Variants in STK25 observed in about 807,000 individuals in gnomAD.
STK25 encodes serine/threonine kinase 25, also known as serine/threonine-protein kinase 25.
In STK25, 29 loss-of-function variants were observed where a neutral mutation model predicts 53.8. The observed-to-expected ratio is 0.54, with a 90% CI of 0.40 to 0.74. The LOEUF (loss-of-function observed/expected upper bound fraction) is 0.74, where lower values mean the gene tolerates loss of function less well. STK25 is among the 30% of genes least tolerant of loss of function. The probability of loss-of-function intolerance (pLI) is 0.00; values close to 1 mark genes in which losing one functional copy is unlikely to be tolerated. For synonymous variants in STK25, 247 were observed against 238.3 expected (o/e 1.04, Z -0.33); for missense variants, 420 against 568.0 (o/e 0.74, Z 2.65).
At chr2:241,508,377 G>T in intron 1 of STK25, 66 bp downstream of exon 1, 1 of 513,184 alleles carries the variant, frequency 1.9e-6, no homozygotes, top group Non-Finnish European at 2.7e-6. Context: ...ACCGAGCCCC[G>T]CCCCGGGCCC....
At position 241,508,013 on chromosome 2, in the gene STK25, G is replaced by A. The variant is rs761455789; in HGVS notation, c.23C>T (p.Ala8Val). Residue 8 changes from alanine to valine, a missense_variant, in exon 2 of 12, where the codon GCC becomes GTC. Physicochemically the swap from Ala to Val is moderately conservative, Grantham distance 64 (BLOSUM62 0). Transcript: ENST00000316586. Reference protein sequence around the residue: MAHLRGFANQHSRVDPEE... With the variant: MAHLRGFVNQHSRVDPEE... ...GACCTGCACCCTTCTCACCTGGTTGGCAAATCCCCGGAGGTGAGCCATGGC... is the reference window on the plus strand; with the variant it reads ...GACCTGCACCCTTCTCACCTGGTTGACAAATCCCCGGAGGTGAGCCATGGC... 9.4e-6 allele frequency: 15 copies of A among 1,603,140 alleles called. No homozygotes were observed. Among genetic ancestry groups the A allele is most frequent in the Non-Finnish European group, 1.2e-5 (14 of 1,176,042 alleles).
In STK25 at chr2:241,508,151, G is replaced by C. The variant is rs944285037; in HGVS notation, c.-100-16C>G. On this transcript the variant is annotated splice_polypyrimidine_tract_variant and intron_variant, in intron 1 of 11. Transcript: ENST00000316586. ...CGTCAGTCCACTGCGAGGGACACCA[G>C]GGGCGCTCGGTGCCCAGTTCAGTCA... 2.7e-6 allele frequency: 4 copies of C among 1,472,166 alleles called. No individual in the cohort carries two copies. Among genetic ancestry groups the C allele is most frequent in the Middle Eastern group, 2.4e-4 (1 of 4,098 alleles). 91.2% of individuals were successfully genotyped at this position (1,472,166 alleles called of 1,614,324 possible).
rs751099744 is a variant in STK25, at chr2:241,498,794, G to A, written c.772-10C>T. ...CCTTGGCCGTGGGCCGCTGCAGGGG[G>A]TCAGGGGAACACTAGTCACTGGGCC... On this transcript the variant is annotated splice_polypyrimidine_tract_variant and intron_variant, in intron 7 of 11. Transcript: ENST00000316586. 6 of 1,613,782 alleles carry A rather than the reference G, an allele frequency of 3.7e-6. No homozygotes were observed. The highest frequency in any genetic ancestry group is 3.4e-6 in the Non-Finnish European group (4 of 1,179,856).
chr2:241,495,378 T>C lies in STK25; in HGVS notation c.*284A>G. The C allele has an allele frequency of 2.2e-6, 1 of 456,454 alleles. No homozygotes were observed. Among genetic ancestry groups the C allele is most frequent in the Non-Finnish European group, 4.0e-6 (1 of 249,434 alleles). The allele number at this position is 456,454 out of a possible 1,614,324, so 28.3% of individuals were successfully genotyped here. On this transcript the variant is annotated 3_prime_UTR_variant, in exon 12 of 12. Coordinates refer to ENST00000316586, the MANE Select transcript of STK25 (RefSeq NM_001271977.2). The stretch of plus-strand genomic sequence containing the variant: ...CTGCAGAAGACCCAGGCGTAGCTCA[T>C]GAGGGCCACGCCGGCGGCTGGAGCC...
At position 241,494,293 on chromosome 2, in the gene STK25, C is replaced by T; in HGVS notation, c.*1369G>A. 2 of 420,856 alleles carry T rather than the reference C, an allele frequency of 4.8e-6. No individual in the cohort carries two copies. The highest frequency in any genetic ancestry group is 3.6e-5 in the East Asian group (1 of 27,584). 26.1% of individuals were successfully genotyped at this position (420,856 alleles called of 1,614,324 possible). ...ATGTAACATCTGGGAGGGGCTTCATCCCCCCACCCAGGACCTAGTGCATGC... is the reference window on the plus strand; with the variant it reads ...ATGTAACATCTGGGAGGGGCTTCATTCCCCCACCCAGGACCTAGTGCATGC... On this transcript the variant is annotated 3_prime_UTR_variant, in exon 12 of 12. Coordinates refer to ENST00000316586, the MANE Select transcript of STK25 (RefSeq NM_001271977.2). The surrounding 1 kb of genome is among the most constrained non-coding windows in gnomAD (Gnocchi z 4.9).
In STK25 at chr2:241,496,372, C is replaced by T. The variant is rs765791323; in HGVS notation, c.1241+26G>A. 8.1e-6 allele frequency: 13 copies of T among 1,603,988 alleles called. No individual in the cohort carries two copies. The highest frequency in any genetic ancestry group is 2.2e-5 in the East Asian group (1 of 44,650). The stretch of plus-strand genomic sequence containing the variant: ...AGCTTCTTGGTGGGGGTGCTCTCCC[C>T]GACCCTATGGCACGGCCGCCCTCAC... On this transcript the variant is annotated intron_variant, in intron 11 of 11. Coordinates refer to ENST00000316586, the MANE Select transcript of STK25 (RefSeq NM_001271977.2). The surrounding 1 kb of genome is among the most constrained non-coding windows in gnomAD (Gnocchi z 5.8).
intron 2 of STK25, among the ~76,000 whole-genome samples, chr2:241,507,723 G>A (rs35654218): frequency 2.0e-5 from 3 of 152,218 alleles, no homozygotes; most frequent in Non-Finnish European, 4.4e-5. Context: ...TCCCTGCGCC[G>A]GTGTCTCTTC....
rs1476481443 is a variant in STK25, at chr2:241,501,227, C to T, written c.261+251G>A. 10 of 579,754 alleles carry T rather than the reference C, an allele frequency of 1.7e-5. No individual in the cohort carries two copies. The highest frequency in any genetic ancestry group is 3.1e-5 in the Non-Finnish European group (10 of 321,410). 35.9% of individuals were successfully genotyped at this position (579,754 alleles called of 1,614,324 possible). On this transcript the variant is annotated intron_variant, in intron 3 of 11. Coordinates refer to ENST00000316586, the MANE Select transcript of STK25 (RefSeq NM_001271977.2). The surrounding 1 kb of genome is among the most constrained non-coding windows in gnomAD (Gnocchi z 5.3). ...CCACTCACCACTGCCAGTAGGGGCC[C>T]CCCAGAGTGCTCCTAGCAGCGCCCT...
In STK25 at chr2:241,498,209, G is replaced by A. The variant is rs371116611; in HGVS notation, c.1032+26C>T. 12 of 1,603,092 alleles carry A rather than the reference G, an allele frequency of 7.5e-6. No homozygotes were observed. The African/African-American group carries it at 1.5e-4, about 20-fold the overall frequency. On this transcript the variant is annotated intron_variant, in intron 9 of 11. Transcript: ENST00000316586. The stretch of plus-strand genomic sequence containing the variant: ...TCCCACGGCCCCAGGGGTGCACAGA[G>A]GGCAAAGGCCAGGCCAGGAACAGAC...
chr2:241,501,750 C>A lies in STK25; in HGVS notation c.31-42G>T. The A allele has an allele frequency of 2.6e-6, 4 of 1,527,534 alleles. No homozygotes were observed. In the South Asian group the frequency reaches 3.4e-5, roughly 13 times the overall value. The allele number at this position is 1,527,534 out of a possible 1,614,324, so 94.6% of individuals were successfully genotyped here. A position where few individuals can be genotyped will look rare whatever the true frequency, so the allele number is the denominator to read the frequency against. On this transcript the variant is annotated intron_variant, in intron 2 of 11. Coordinates refer to ENST00000316586, the MANE Select transcript of STK25 (RefSeq NM_001271977.2). This position sits in a 1 kb window ranked among gnomAD's most constrained non-coding sequence, Gnocchi z 5.3. ...GGGACAGAGGGCAGACAGCGCCGGT[C>A]ACAAGAGGCGGGGGACAGGCAGAGG...
chr2:241,502,025 G>A (rs2065543108), intron 2 of STK25: 4 of 293,040 alleles, frequency 1.4e-5, no homozygotes, highest in African/African-American at 2.2e-5. Flanking sequence ...TTATCTGGGC[G>A]TGGCGGCTCA....
Position 241,500,020 on chromosome 2 carries a change from C to T in STK25, c.427+153G>A, listed in dbSNP as rs114455958. 2,160 of 712,988 alleles carry T rather than the reference C, an allele frequency of 3.0e-3. 34 individuals are homozygous for T. In the African/African-American group the frequency reaches 0.032, roughly 11 times the overall value. The allele number at this position is 712,988 out of a possible 1,614,324, so 44.2% of individuals were successfully genotyped here. A position where few individuals can be genotyped will look rare whatever the true frequency, so the allele number is the denominator to read the frequency against. ...CAAGTAGTATCTTCTGGAAAGGGAG[C>T]GAGACAGGACTGCTCAGTTTCAGGG... On this transcript the variant is annotated intron_variant, in intron 5 of 11. Transcript: ENST00000316586.
Position 241,501,392 on chromosome 2 carries a change from C to T in STK25, c.261+86G>A. On this transcript the variant is annotated intron_variant, in intron 3 of 11. Coordinates refer to ENST00000316586, the MANE Select transcript of STK25 (RefSeq NM_001271977.2). This position sits in a 1 kb window ranked among gnomAD's most constrained non-coding sequence, Gnocchi z 5.3. ...ACTGAACCGTCAAGACCGCCTTGCA[C>T]CCTCTGGCATGTCACTCAGTCCCTC... 7.2e-7 allele frequency: 1 copy of T among 1,379,420 alleles called. No homozygotes were observed. 85.4% of individuals were successfully genotyped at this position (1,379,420 alleles called of 1,614,324 possible).
intron 8 of STK25, 141 bp from the exon 9 acceptor site, chr2:241,498,490 GCAGGCCCT>G: frequency 7.9e-7 from 1 of 1,261,284 alleles, no homozygotes; most frequent in Non-Finnish European, 1.1e-6. Flanking sequence ...TGATGCCTCA[GCAGGCCCT>G]GTCCTGCAGC....
In STK25 at chr2:241,495,466, C is replaced by T; in HGVS notation, c.*196G>A. 1 of 606,164 alleles carries T rather than the reference C, an allele frequency of 1.6e-6. No homozygotes were observed. Among genetic ancestry groups the T allele is most frequent in the African/African-American group, 1.8e-5 (1 of 54,282 alleles). The allele number at this position is 606,164 out of a possible 1,614,324, so 37.5% of individuals were successfully genotyped here. A position where few individuals can be genotyped will look rare whatever the true frequency, so the allele number is the denominator to read the frequency against. ...GGCAGTGGGCATAGAGAACAGCGTCCCTGACGTGCACAACAGCACACTGCA... is the reference window on the plus strand; with the variant it reads ...GGCAGTGGGCATAGAGAACAGCGTCTCTGACGTGCACAACAGCACACTGCA... On this transcript the variant is annotated 3_prime_UTR_variant, in exon 12 of 12. Transcript: ENST00000316586.
chr2:241,509,185 G>A (rs2066029020), upstream of STK25: 2 of 152,456 alleles, frequency 1.3e-5, no homozygotes, highest in Admixed American at 1.3e-4. Flanking sequence ...CCATTCCTTG[G>A]GCGAGTTGCT....
chr2:241,508,216 G>T (rs1384792621), intron 1 of STK25, 81 bp from the exon 2 acceptor site: 1 of 1,343,356 alleles, frequency 7.4e-7, no homozygotes. Context: ...CCATGGGTGG[G>T]GGGGGGCCCA....
intron 9 of STK25, 44 bp from the exon 10 acceptor site, chr2:241,497,731 G>C (rs759736096): frequency 4.0e-5 from 64 of 1,584,764 alleles, no homozygotes; most frequent in Non-Finnish European, 5.1e-5. Flanking sequence ...CAGTGCAGGT[G>C]ACAGGCAGGG....
Position 241,496,255 on chromosome 2 carries a change from TGCCACGCCGC to T in STK25, c.1241+133_1241+142del. On this transcript the variant is annotated intron_variant, in intron 11 of 11. Transcript: ENST00000316586. This position sits in a 1 kb window ranked among gnomAD's most constrained non-coding sequence, Gnocchi z 5.8. ...AGCTGGGTCCAAACAAGGAAGAGGA[TGCCACGCCGC>T]GCCTTCCCAGAGTGAAGCGAGCCCA... The T allele has an allele frequency of 1.0e-6, 1 of 989,794 alleles. No individual in the cohort carries two copies. The highest frequency in any genetic ancestry group is 1.5e-5 in the South Asian group (1 of 65,712). The allele number at this position is 989,794 out of a possible 1,614,324, so 61.3% of individuals were successfully genotyped here.
Sources: allele counts gnomAD v4.1 joint callset (sites outside exome capture counted in the v4.1 genomes callset), GRCh38; gene constraint gnomAD v4.1.1; non-coding constraint Gnocchi (gnomAD v3.1); transcripts MANE v1.5; gene names NCBI Gene and HGNC (gene_info 2026-07-23, HGNC 2026-07-21).